The following FABP2 variants were observed in gnomAD, a reference collection of about 807,000 sequenced individuals.
FABP2 encodes fatty acid binding protein 2.
In FABP2, 11 loss-of-function variants were observed where a neutral mutation model predicts 16.1. That is an observed-to-expected ratio of 0.68 (90% CI 0.43 to 1.13). The LOEUF is 1.13. Among genes scored for constraint, FABP2 ranks in the 50% most tolerant of loss-of-function variants. The pLI, the probability that FABP2 is intolerant of heterozygous loss-of-function variation, is 0.00. For synonymous variants in FABP2, 45 were observed against 50.9 expected, an observed-to-expected ratio of 0.88 and a Z score of 0.49; for missense variants, 146 against 155.1, an observed-to-expected ratio of 0.94 and a Z score of 0.31.
At chr4:119,319,512 A>G in intron 3 of FABP2, 24 bp downstream of exon 3, 1 of 1,466,648 alleles carries the variant, frequency 6.8e-7, no homozygotes, top group Non-Finnish European at 9.4e-7. Context: ...CCTTTTGAAA[A>G]TAGCTATAAA....
Position 119,318,958 on chromosome 4 carries a change from T to A in FABP2, c.*83A>T. 1 of 1,094,422 alleles carries A rather than the reference T, an allele frequency of 9.1e-7. No homozygotes were observed. The highest frequency in any genetic ancestry group is 1.3e-6 in the Non-Finnish European group (1 of 741,390). The allele number at this position is 1,094,422 out of a possible 1,614,324, so 67.8% of individuals were successfully genotyped here. ...GACCAATCAATCAGTAACCTTATAC[T>A]TGATGGGGTGAAATAAATAGTTCTG... On this transcript the variant is annotated 3_prime_UTR_variant, in exon 4 of 4. Coordinates refer to ENST00000274024, the MANE Select transcript of FABP2 (RefSeq NM_000134.4).
chr4:119,318,968 G>A lies in FABP2; in HGVS notation c.*73C>T, dbSNP rs1420343172. The A allele has an allele frequency of 1.7e-6, 2 of 1,198,318 alleles. No individual in the cohort carries two copies. Among genetic ancestry groups the A allele is most frequent in the East Asian group, 5.2e-5 (2 of 38,756 alleles). 74.2% of individuals were successfully genotyped at this position (1,198,318 alleles called of 1,614,324 possible). ...TCAGTAACCTTATACTTGATGGGGT[G>A]AAATAAATAGTTCTGGTACAATATA... On this transcript the variant is annotated 3_prime_UTR_variant, in exon 4 of 4. Transcript: ENST00000274024.
At position 119,319,807 on chromosome 4, in the gene FABP2, G is replaced by A. The variant is rs1325401113; in HGVS notation, c.241-164C>T. 2.0e-5 allele frequency among the ~76,000 whole-genome samples: 3 copies of A among 152,078 alleles called. No individual in the cohort carries two copies. The East Asian group carries it at 5.8e-4, about 29-fold the overall frequency. ...TCTCTACTTTGCAGAAGAGGAGACT[G>A]TAAAATGGCACAGTGATTCACCTAA... On this transcript the variant is annotated intron_variant, in intron 2 of 3. Transcript: ENST00000274024.
Position 119,319,141 on chromosome 4 carries a change from A to G in FABP2, c.349-50T>C, listed in dbSNP as rs780889951. ...AATTTATCTTTAAGGTTTACATCTA[A>G]GTTAAGAAAAAGTAGTATTATAGTT... is the stretch of plus-strand genomic sequence containing the variant. On this transcript the variant is annotated intron_variant, in intron 3 of 3. Transcript: ENST00000274024. 11 of 1,269,694 alleles carry G rather than the reference A, an allele frequency of 8.7e-6. No homozygotes were observed. The Admixed American group carries it at 2.5e-4, about 29-fold the overall frequency. The allele number at this position is 1,269,694 out of a possible 1,614,324, so 78.7% of individuals were successfully genotyped here. A position where few individuals can be genotyped will look rare whatever the true frequency, so the allele number is the denominator to read the frequency against.
In FABP2 at chr4:119,318,708, C is replaced by G. The variant is rs1169493610; in HGVS notation, c.*333G>C. 4.4e-6 allele frequency: 1 copy of G among 228,594 alleles called. No individual in the cohort carries two copies. The highest frequency in any genetic ancestry group is 8.5e-6 in the Non-Finnish European group (1 of 117,254). 14.2% of individuals were successfully genotyped at this position (228,594 alleles called of 1,614,324 possible). A position where few individuals can be genotyped will look rare whatever the true frequency, so the allele number is the denominator to read the frequency against. ...AGCCTGAGTGAAAGAGTAAGACCCTCTCTCTACGAAAACAGTCTGTCAATT... is the reference window on the plus strand; with the variant it reads ...AGCCTGAGTGAAAGAGTAAGACCCTGTCTCTACGAAAACAGTCTGTCAATT... On this transcript the variant is annotated 3_prime_UTR_variant, in exon 4 of 4. Transcript: ENST00000274024.
At chr4:119,321,072 A>C (rs886438923) in intron 1 of FABP2, among the ~76,000 whole-genome samples, 1 of 152,132 alleles carries the variant, frequency 6.6e-6, no homozygotes, top group African/African-American at 2.4e-5. Context: ...AGAGTACAGA[A>C]TTATAGAATC....
rs1755598837 is a variant in FABP2 at position 119,317,498 on chromosome 4, C to T, written c.*1543G>A. ...TAGCTCCCACTTATAAGTGAGAACA[C>T]GCAGTATTCAGCTTTCAAAGATTAC... On this transcript the variant is annotated 3_prime_UTR_variant, in exon 4 of 4. Transcript: ENST00000274024. The T allele has an allele frequency of 1.3e-5, 2 of 152,116 alleles. No individual in the cohort carries two copies. Among genetic ancestry groups the T allele is most frequent in the Middle Eastern group, 6.8e-3 (2 of 294 alleles). 9.4% of individuals were successfully genotyped at this position (152,116 alleles called of 1,614,324 possible).
intron 2 of FABP2, among the ~76,000 whole-genome samples, chr4:119,319,971 T>G (rs1283220488): frequency 6.6e-6 from 1 of 152,044 alleles, no homozygotes; most frequent in Non-Finnish European, 1.5e-5. Context: ...ATCTTTCATG[T>G]TACGTGTCCA....
At chr4:119,319,456 A>G in intron 3 of FABP2, 80 bp downstream of exon 3, 1 of 761,598 alleles carries the variant, frequency 1.3e-6, no homozygotes, top group Admixed American at 2.1e-5. Context: ...TTTACTGAAG[A>G]TCTGGCTCAG....
intron 3 of FABP2, among the ~76,000 whole-genome samples, 164 bp from the exon 4 acceptor site, chr4:119,319,255 A>G (rs572235500): frequency 2.6e-5 from 4 of 151,798 alleles, no homozygotes; most frequent in Non-Finnish European, 5.9e-5. Context: ...CTTGTACTTG[A>G]TAGCAAGATT....
chr4:119,320,766 G>C lies in FABP2; in HGVS notation c.144C>G (p.Phe48Leu), dbSNP rs1267130638. The C allele has an allele frequency of 1.2e-6, 2 of 1,605,574 alleles. No homozygotes were observed. Among genetic ancestry groups the C allele is most frequent in the Non-Finnish European group, 1.7e-6 (2 of 1,177,192 alleles). Residue 48 changes from phenylalanine to leucine, a missense_variant, in exon 2 of 4, where the codon TTC becomes TTG. Physicochemically the swap from Phe to Leu is conservative, Grantham distance 22. Transcript: ENST00000274024. ...KLTITQEGNKFTVKESSTFRN... is the reference protein window; with the variant it reads ...KLTITQEGNKLTVKESSTFRN... ...GAAAAGTGCTTGATTCTTTGACTGT[G>C]AATTTATTTCCTTCTTGTGTAATTG... is the stretch of plus-strand genomic sequence containing the variant.
In FABP2 at chr4:119,319,561, T is replaced by G; in HGVS notation, c.323A>C (p.Glu108Ala). ...DNGNELNTVR[E>A]IIGDELVQTY... ...CTGGACTAGTTCATCACCTATAATT[T>G]CTCGGACAGTATTCAGTTCGTTTCC... is the stretch of plus-strand genomic sequence containing the variant. Residue 108 changes from glutamate to alanine, a missense_variant, in exon 3 of 4, where the codon GAA (glutamate) becomes GCA (alanine). Transcript: ENST00000274024. 1.3e-6 allele frequency: 2 copies of G among 1,564,632 alleles called. No homozygotes were observed. The highest frequency in any genetic ancestry group is 1.7e-6 in the Non-Finnish European group (2 of 1,155,584).
At position 119,318,325 on chromosome 4, in the gene FABP2, ATAT is replaced by A. The variant is rs1417335333; in HGVS notation, c.*713_*715del. On this transcript the variant is annotated 3_prime_UTR_variant, in exon 4 of 4. Coordinates refer to ENST00000274024, the MANE Select transcript of FABP2 (RefSeq NM_000134.4). ...ATTTCTAAGTTTTCTGGTTGAGCAT[ATAT>A]TATTTTTATAATAATAGATATTACT... 6.6e-6 allele frequency: 1 copy of A among 152,050 alleles called. No homozygotes were observed. The highest frequency in any genetic ancestry group is 2.4e-5 in the African/African-American group (1 of 41,402). The allele number at this position is 152,050 out of a possible 1,614,324, so 9.4% of individuals were successfully genotyped here.
At chr4:119,321,924 C>CACATCAGG (rs1445862190) in intron 1 of FABP2, 112 bp downstream of exon 1, 6 of 792,490 alleles carry the variant, frequency 7.6e-6, no homozygotes, top group East Asian at 5.1e-5. Flanking sequence ...TCCTCTCTAC[C>CACATCAGG]ACATCAGGAG....
chr4:119,319,083 T>C lies in FABP2; in HGVS notation c.357A>G (p.Val119=), dbSNP rs1511025. The change falls in exon 4 of 4, where the codon GTA becomes GTG. Residue 119 remains valine, a synonymous_variant. Transcript: ENST00000274024. ...TCCTTTTGGCTTCTACTCCTTCATATACATAAGTCTGAAAGGTGTTAACAA... is the reference window on the plus strand; with the variant it reads ...TCCTTTTGGCTTCTACTCCTTCATACACATAAGTCTGAAAGGTGTTAACAA... ...IIGDELVQTY[V]YEGVEAKRIF... 516,636 of 1,590,014 alleles carry C rather than the reference T, an allele frequency of 0.32. 86,219 individuals carry two copies. The highest frequency in any genetic ancestry group is 0.38 in the African/African-American group (28,159 of 73,716).
At chr4:119,321,444 G>T (rs1755668179) in intron 1 of FABP2, among the ~76,000 whole-genome samples, 1 of 152,028 alleles carries the variant, frequency 6.6e-6, no homozygotes, top group African/African-American at 2.4e-5. Flanking sequence ...TCTTTTAGGG[G>T]AATGACACAA....
At position 119,319,693 on chromosome 4, in the gene FABP2, G is replaced by T. The variant is rs765161102; in HGVS notation, c.241-50C>A. 3 of 729,130 alleles carry T rather than the reference G, an allele frequency of 4.1e-6. No homozygotes were observed. In the South Asian group the frequency reaches 1.0e-4, roughly 25 times the overall value. 45.2% of individuals were successfully genotyped at this position (729,130 alleles called of 1,614,324 possible). A position where few individuals can be genotyped will look rare whatever the true frequency, so the allele number is the denominator to read the frequency against. ...AATAATAATAATGGCATTTATTAGGGTCTTACACATGTCAGGCACTGTTCT... is the reference window on the plus strand; with the variant it reads ...AATAATAATAATGGCATTTATTAGGTTCTTACACATGTCAGGCACTGTTCT... On this transcript the variant is annotated intron_variant, in intron 2 of 3. Transcript: ENST00000274024.
chr4:119,317,772 G>A lies in FABP2; in HGVS notation c.*1269C>T, dbSNP rs1755603646. On this transcript the variant is annotated 3_prime_UTR_variant, in exon 4 of 4. Coordinates refer to ENST00000274024, the MANE Select transcript of FABP2 (RefSeq NM_000134.4). Reference sequence around the variant, plus strand: ...GTACCCTGCTAAAATACAATTATGTGAAGCACATAAAATTTTACGTCATGT... The same window carrying A: ...GTACCCTGCTAAAATACAATTATGTAAAGCACATAAAATTTTACGTCATGT... 6.6e-6 allele frequency: 1 copy of A among 151,884 alleles called. No individual in the cohort carries two copies. Among genetic ancestry groups the A allele is most frequent in the African/African-American group, 2.4e-5 (1 of 41,352 alleles). 9.4% of individuals were successfully genotyped at this position (151,884 alleles called of 1,614,324 possible). A position where few individuals can be genotyped will look rare whatever the true frequency, so the allele number is the denominator to read the frequency against.
At chr4:119,321,964 A>G in intron 1 of FABP2, 72 bp downstream of exon 1, 2 of 1,242,862 alleles carry the variant, frequency 1.6e-6, no homozygotes, top group Non-Finnish European at 2.3e-6. Context: ...AATCTCCTAG[A>G]GATTTAGGAG....
Sources: gnomAD v4.1 joint callset for allele counts (sites outside exome capture counted in the v4.1 genomes callset) on GRCh38, gnomAD v4.1.1 for gene constraint, MANE v1.5 for transcripts, NCBI Gene and HGNC (gene_info 2026-07-23, HGNC 2026-07-21) for gene names.